The following RHBDD1 variants were observed in gnomAD, a reference collection of about 807,000 sequenced individuals.
RHBDD1 encodes rhomboid domain containing 1, also known as rhomboid-related protein 4.
In RHBDD1, 38 loss-of-function variants were observed where a neutral mutation model predicts 36.3. The observed-to-expected ratio is 1.05, with a 90% CI of 0.81 to 1.37. The LOEUF (loss-of-function observed/expected upper bound fraction) is 1.37. Ranked by LOEUF, RHBDD1 falls within the 40% of genes most tolerant of loss-of-function variation. The pLI, the probability that RHBDD1 is intolerant of heterozygous loss-of-function variation, is 0.00. For missense variants in RHBDD1, 393 were observed against 377.6 expected (o/e 1.04, Z -0.34); for synonymous variants, 151 against 136.5 (o/e 1.11, Z -0.74).
chr2:226,915,855 G>A (rs879557946), intron 8 of RHBDD1, among the ~76,000 whole-genome samples: 18 of 152,172 alleles, frequency 1.2e-4, no homozygotes, highest in East Asian at 3.9e-4. Context: ...CCTGAAACTC[G>A]TGGATTAAAA....
chr2:226,919,620 A>G (rs1402919857), intron 8 of RHBDD1, among the ~76,000 whole-genome samples: 2 of 152,038 alleles, frequency 1.3e-5, no homozygotes, highest in Non-Finnish European at 2.9e-5. Flanking sequence ...TTTTTTGAAA[A>G]TGAGATCAAC....
intron 8 of RHBDD1, among the ~76,000 whole-genome samples, chr2:226,931,462 G>A (rs1451072703): frequency 1.3e-5 from 2 of 151,956 alleles, no homozygotes; most frequent in Non-Finnish European, 2.9e-5. Flanking sequence ...GACATACAGA[G>A]TGGTTTAACA....
chr2:226,896,437 T>C (rs1288266152), intron 5 of RHBDD1, among the ~76,000 whole-genome samples: 1 of 152,220 alleles, frequency 6.6e-6, no homozygotes, highest in Non-Finnish European at 1.5e-5. Flanking sequence ...TCTATTACCC[T>C]TCCCTGGAAT....
intron 8 of RHBDD1, among the ~76,000 whole-genome samples, chr2:226,979,212 G>A (rs550587615): frequency 6.6e-6 from 1 of 152,268 alleles, no homozygotes; most frequent in South Asian, 2.1e-4. Context: ...TCCAAGAGCT[G>A]AAGAAACTGC....
At chr2:226,818,222 C>T in the RHBDD1 span, among the ~76,000 whole-genome samples, 92 of 140,604 alleles carry the variant, frequency 6.5e-4, no homozygotes, top group African/African-American at 2.3e-3. Context: ...TGCAGTGGCG[C>T]GGTCTCAGCT....
the RHBDD1 span, among the ~76,000 whole-genome samples, chr2:226,824,766 C>A: frequency 6.6e-6 from 1 of 152,204 alleles, no homozygotes; most frequent in Non-Finnish European, 1.5e-5. Flanking sequence ...AACAGATTGA[C>A]CTTTAATTGA....
At chr2:226,845,995 A>G (rs1482046970) in intron 3 of RHBDD1, among the ~76,000 whole-genome samples, 1 of 152,208 alleles carries the variant, frequency 6.6e-6, no homozygotes, top group African/African-American at 2.4e-5. Context: ...TGCACAATGA[A>G]TGTAAATGCA....
chr2:226,804,867 T>C, the RHBDD1 span: 1 of 152,232 alleles, frequency 6.6e-6, no homozygotes, highest in Admixed American at 6.5e-5. Flanking sequence ...TCTAAAAAAC[T>C]TGGTCCTGGT....
At chr2:226,960,442 C>A (rs1952111668) in intron 8 of RHBDD1, among the ~76,000 whole-genome samples, 1 of 152,204 alleles carries the variant, frequency 6.6e-6, no homozygotes, top group South Asian at 2.1e-4. Context: ...GGAATGCTGA[C>A]CAACATGTCA....
At chr2:226,835,354 A>G (rs1940863839), upstream of RHBDD1, among the ~76,000 whole-genome samples, 1 of 152,250 alleles carries the variant, frequency 6.6e-6, no homozygotes, top group Admixed American at 6.5e-5. Flanking sequence ...TCGAAATTCT[A>G]TTAACTGAAA....
chr2:226,912,347 T>C (rs1948579175), intron 7 of RHBDD1, among the ~76,000 whole-genome samples: 1 of 152,132 alleles, frequency 6.6e-6, no homozygotes, highest in Non-Finnish European at 1.5e-5. Flanking sequence ...CAGTTCCACT[T>C]TTAGGTATAT....
chr2:226,807,720 C>T, the RHBDD1 span: 1 of 152,206 alleles, frequency 6.6e-6, no homozygotes, highest in Non-Finnish European at 1.5e-5. Flanking sequence ...ATCATGTAAG[C>T]CTTTGTAAGG....
chr2:226,847,918 C>A (rs868466046), intron 3 of RHBDD1, among the ~76,000 whole-genome samples: 4 of 152,196 alleles, frequency 2.6e-5, no homozygotes, highest in Admixed American at 2.6e-4. Flanking sequence ...AAGCATGGAA[C>A]GCCTTGCAAC....
At chr2:226,958,706 G>GTC (rs755047815) in intron 8 of RHBDD1, among the ~76,000 whole-genome samples, 1 of 99,830 alleles carries the variant, frequency 1.0e-5, no homozygotes, top group Admixed American at 9.8e-5. Context: ...ATTTTTCTGT[G>GTC]TGTGTGTGTG....
At chr2:226,876,830 C>T (rs1037312753) in intron 5 of RHBDD1, among the ~76,000 whole-genome samples, 8 of 152,046 alleles carry the variant, frequency 5.3e-5, no homozygotes, top group Non-Finnish European at 7.4e-5. Context: ...ATCAATAATT[C>T]ATTTTAAATA....
intron 8 of RHBDD1, among the ~76,000 whole-genome samples, chr2:226,948,564 T>TAAAAAAAAAAAAAAAAAAAAGAA (rs1951168039): frequency 4.2e-5 from 1 of 23,556 alleles, no homozygotes; most frequent in African/African-American, 1.8e-4. Flanking sequence ...ACTTAAAGTA[T>TAAAAAAAAAAAAAAAAAAAAGAA]AAAAAAAAAA....
intron 8 of RHBDD1, among the ~76,000 whole-genome samples, chr2:226,973,353 G>C (rs1953939531): frequency 6.6e-6 from 1 of 152,196 alleles, no homozygotes; most frequent in African/African-American, 2.4e-5. Flanking sequence ...TAGAGATGCT[G>C]GTGACCAAGA....
chr2:226,993,401 C>T lies in RHBDD1; in HGVS notation c.857-2030C>T, dbSNP rs1035827660. Among the ~76,000 whole-genome samples, 7 of 152,170 alleles carry T rather than the reference C, an allele frequency of 4.6e-5. No homozygotes were observed. The South Asian group carries it at 1.5e-3, about 32-fold the overall frequency. On this transcript the variant is annotated intron_variant, in intron 8 of 8. Transcript: ENST00000392062. ...CTGGAATGAGGTGTCAAGTCCTGGCCTGCACTCACAAGTGCAATTAAGACC... is the reference window on the plus strand; with the variant it reads ...CTGGAATGAGGTGTCAAGTCCTGGCTTGCACTCACAAGTGCAATTAAGACC...
At chr2:226,925,014 T>G (rs1054333655) in intron 8 of RHBDD1, among the ~76,000 whole-genome samples, 2 of 152,240 alleles carry the variant, frequency 1.3e-5, no homozygotes, top group African/African-American at 4.8e-5. Flanking sequence ...TGCAGATAGT[T>G]CTTCAGTTTG....
Sources: allele counts gnomAD v4.1 joint callset (sites outside exome capture counted in the v4.1 genomes callset), GRCh38; gene constraint gnomAD v4.1.1; transcripts MANE v1.5; gene names NCBI Gene and HGNC (gene_info 2026-07-23, HGNC 2026-07-21).